The following GALC variants were observed in gnomAD, a reference collection of about 807,000 sequenced individuals.
GALC encodes galactosylceramidase.
GALC carries 77 observed loss-of-function variants against 91.8 expected under a neutral mutation model. The observed-to-expected ratio is 0.84, with a 90% CI of 0.70 to 1.01. The LOEUF (loss-of-function observed/expected upper bound fraction) is 1.01. Among genes scored for constraint, GALC ranks in the 50% least tolerant of loss-of-function variants. GALC has a pLI of 0.00. For missense variants in GALC, 882 were observed against 855.9 expected (o/e 1.03, Z -0.38); for synonymous variants, 357 against 306.7 (o/e 1.16, Z -1.71).
At chr14:87,991,269 C>G (rs1244754102) in intron 1 of GALC, among the ~76,000 whole-genome samples, 2 of 152,140 alleles carry the variant, frequency 1.3e-5, no homozygotes, top group Admixed American at 6.5e-5. Context: ...GTGGTGTGAT[C>G]CCGGCTCACT....
At chr14:87,975,581 T>C (rs756573755) in intron 7 of GALC, among the ~76,000 whole-genome samples, 3 of 152,142 alleles carry the variant, frequency 2.0e-5, no homozygotes, top group Admixed American at 2.0e-4. Context: ...GACGCATGGA[T>C]GAAGAATTGG....
chr14:87,945,496 C>T, intron 14 of GALC, 57 bp downstream of exon 14: 1 of 1,261,368 alleles, frequency 7.9e-7, no homozygotes, highest in African/African-American at 1.5e-5. Context: ...TCAAAATGTA[C>T]CTGACAATAT....
intron 10 of GALC, among the ~76,000 whole-genome samples, chr14:87,956,760 T>C (rs776722469): frequency 6.6e-6 from 1 of 152,034 alleles, no homozygotes; most frequent in Non-Finnish European, 1.5e-5. Context: ...AGTGACTTCT[T>C]TTCTTTTGGG....
At chr14:87,958,937 G>T (rs1012879751) in intron 10 of GALC, among the ~76,000 whole-genome samples, 1 of 152,106 alleles carries the variant, frequency 6.6e-6, no homozygotes, top group African/African-American at 2.4e-5. Flanking sequence ...AGCTGGGCAA[G>T]AATTTTTTAA....
At chr14:87,944,151 T>G (rs939874908) in intron 14 of GALC, among the ~76,000 whole-genome samples, 1 of 151,938 alleles carries the variant, frequency 6.6e-6, no homozygotes, top group Non-Finnish European at 1.5e-5. Flanking sequence ...CTATTTAAAT[T>G]GTGAAGATGT....
At chr14:87,979,958 A>C in intron 6 of GALC, among the ~76,000 whole-genome samples, 2 of 151,380 alleles carry the variant, frequency 1.3e-5, no homozygotes, top group South Asian at 2.1e-4. Context: ...TCCCCCACCC[A>C]ATCTGCTCCC....
chr14:87,936,299 T>C (rs1884564047), intron 16 of GALC, among the ~76,000 whole-genome samples: 1 of 152,106 alleles, frequency 6.6e-6, no homozygotes, highest in African/African-American at 2.4e-5. Context: ...TAATCATTTA[T>C]AAACTTATTT....
intron 8 of GALC, among the ~76,000 whole-genome samples, chr14:87,967,362 A>C (rs1028928051): frequency 1.1e-4 from 17 of 152,118 alleles, no homozygotes; most frequent in African/African-American, 4.1e-4. Flanking sequence ...CAGTTTTCTA[A>C]ATTCTCTGCC....
At chr14:87,955,165 C>G (rs1045196862) in intron 10 of GALC, 77 of 1,313,192 alleles carry the variant, frequency 5.9e-5, no homozygotes, top group Non-Finnish European at 1.4e-5. Flanking sequence ...GGATTTTTAT[C>G]CTGACACTGT....
At chr14:87,965,268 T>C (rs1307159418) in intron 9 of GALC, among the ~76,000 whole-genome samples, 1 of 152,110 alleles carries the variant, frequency 6.6e-6, no homozygotes, top group Non-Finnish European at 1.5e-5. Flanking sequence ...CAGCTCCTCC[T>C]TTTCCTCTCT....
intron 10 of GALC, 54 bp from the exon 11 acceptor site, chr14:87,950,802 G>T: frequency 8.3e-7 from 1 of 1,201,874 alleles, no homozygotes; most frequent in Non-Finnish European, 1.2e-6. Context: ...CTACCTTAGG[G>T]GAAAAAAAGT....
At chr14:87,945,498 T>C (rs538279545) in intron 14 of GALC, 55 bp downstream of exon 14, 5 of 1,283,452 alleles carry the variant, frequency 3.9e-6, no homozygotes, top group African/African-American at 2.9e-5. Context: ...AAAATGTACC[T>C]GACAATATTA....
At chr14:87,956,073 T>C (rs1028604148) in intron 10 of GALC, among the ~76,000 whole-genome samples, 1 of 151,902 alleles carries the variant, frequency 6.6e-6, no homozygotes, top group Non-Finnish European at 1.5e-5. Context: ...TTTAATTGGA[T>C]CAGTCTTTGG....
chr14:87,980,345 G>A (rs1886685147), intron 6 of GALC, among the ~76,000 whole-genome samples: 1 of 149,094 alleles, frequency 6.7e-6, no homozygotes, highest in African/African-American at 2.5e-5. Context: ...TGGCGCCATT[G>A]CACTCCAGCC....
chr14:87,975,461 AAAAT>A (rs1220524458), intron 7 of GALC, among the ~76,000 whole-genome samples: 1 of 152,164 alleles, frequency 6.6e-6, no homozygotes, highest in Non-Finnish European at 1.5e-5. Context: ...GGTAAGTAGA[AAAAT>A]AATCCTTATC....
chr14:87,963,815 C>A (rs1274126693), intron 9 of GALC, among the ~76,000 whole-genome samples: 2 of 151,852 alleles, frequency 1.3e-5, no homozygotes, highest in Non-Finnish European at 2.9e-5. Flanking sequence ...CTTGGTTCAT[C>A]ACTATTTAAT....
rs74073729 is a variant in GALC at position 87,963,144 on chromosome 14, A to C, written c.1161+240T>G. 6.7e-3 allele frequency: 3,101 copies of C among 463,758 alleles called. 86 individuals carry two copies. Among genetic ancestry groups the C allele is most frequent in the African/African-American group, 0.056 (2,844 of 50,468 alleles). The allele number at this position is 463,758 out of a possible 1,614,324, so 28.7% of individuals were successfully genotyped here. ...TTGGTACACAGGTAACCTTAATTTT[A>C]TCCCAACTGCCAGGAACAAAGTGGA... On this transcript the variant is annotated intron_variant, in intron 10 of 16. Coordinates refer to ENST00000261304, the MANE Select transcript of GALC (RefSeq NM_000153.4).
At position 87,993,086 on chromosome 14, in the gene GALC, C is replaced by A; in HGVS notation, c.79G>T (p.Ala27Ser). 20 of 1,579,164 alleles carry A rather than the reference C, an allele frequency of 1.3e-5. No individual in the cohort carries two copies. The highest frequency in any genetic ancestry group is 1.8e-5 in the Admixed American group (1 of 55,440). Residue 27 changes from alanine to serine, a missense_variant, in exon 1 of 17, where the codon GCC (alanine) becomes TCC (serine). Transcript: ENST00000261304. The part of the protein sequence containing the change: ...MTAAAGSAGR[A>S]AVPLLLCALL... ...GCACACAGCAGCAAGGGCACCGCGGCGCGGCCCGCCGAACCCGCGGCCGCA... is the reference window on the plus strand; with the variant it reads ...GCACACAGCAGCAAGGGCACCGCGGAGCGGCCCGCCGAACCCGCGGCCGCA...
At chr14:87,957,583 T>C (rs1438838133) in intron 10 of GALC, among the ~76,000 whole-genome samples, 1 of 152,204 alleles carries the variant, frequency 6.6e-6, no homozygotes, top group Non-Finnish European at 1.5e-5. Context: ...TATTTGGCTT[T>C]ATTTTTGGGT....
Sources: allele counts gnomAD v4.1 joint callset (sites outside exome capture counted in the v4.1 genomes callset), GRCh38; gene constraint gnomAD v4.1.1; transcripts MANE v1.5; gene names NCBI Gene and HGNC (gene_info 2026-07-23, HGNC 2026-07-21).